Variants in MATK observed in about 807,000 individuals in gnomAD.
MATK encodes megakaryocyte-associated tyrosine-protein kinase.
In MATK, 41 loss-of-function variants were observed where a neutral mutation model predicts 59.8. The observed-to-expected ratio is 0.69, with a 90% CI of 0.53 to 0.89. The LOEUF is 0.89. Ranked by LOEUF, MATK falls within the 40% of genes least tolerant of loss-of-function variation. The pLI, the probability that MATK is intolerant of heterozygous loss-of-function variation, is 0.00. For synonymous variants in MATK, 308 were observed against 306.1 expected, an observed-to-expected ratio of 1.01 and a Z score of -0.06; for missense variants, 593 against 719.6, an observed-to-expected ratio of 0.82 and a Z score of 2.01.
At chr19:3,788,687 C>A (rs1398599972), upstream of MATK, among the ~76,000 whole-genome samples, 1 of 150,312 alleles carries the variant, frequency 6.7e-6, no homozygotes, top group African/African-American at 2.4e-5. Flanking sequence ...TCTCAAATTT[C>A]TGCACTCAAA....
chr19:3,794,712 T>C (rs2037576219), intron 1 of MATK, among the ~76,000 whole-genome samples: 2 of 152,080 alleles, frequency 1.3e-5, no homozygotes, highest in Non-Finnish European at 2.9e-5. Flanking sequence ...TATTCCGGAA[T>C]AAACCAGTCA....
chr19:3,786,336 C>G lies in MATK; in HGVS notation c.-319G>C. 1.0e-6 allele frequency: 1 copy of G among 984,210 alleles called. No individual in the cohort carries two copies. Among genetic ancestry groups the G allele is most frequent in the Non-Finnish European group, 1.2e-6 (1 of 829,522 alleles). 61.0% of individuals were successfully genotyped at this position (984,210 alleles called of 1,614,324 possible). A position where few individuals can be genotyped will look rare whatever the true frequency, so the allele number is the denominator to read the frequency against. On this transcript the variant is annotated 5_prime_UTR_variant, in exon 1 of 14. Coordinates refer to ENST00000310132, the MANE Select transcript of MATK (RefSeq NM_139355.3). This position sits in a 1 kb window ranked among gnomAD's most constrained non-coding sequence, Gnocchi z 4.1. ...TCGGGGAGTGGGGGAAAGCGGGAGG[C>G]GCCGCGGCCTGGGAGGCCCCCGCGG...
upstream of MATK, among the ~76,000 whole-genome samples, chr19:3,789,884 C>G (rs1307789060): frequency 6.6e-6 from 1 of 151,692 alleles, no homozygotes; most frequent in East Asian, 1.9e-4. Context: ...GCCACCACGC[C>G]CTGCTAACTT....
At chr19:3,782,540 G>T (rs1360938737) in intron 7 of MATK, among the ~76,000 whole-genome samples, 1 of 152,228 alleles carries the variant, frequency 6.6e-6, no homozygotes, top group African/African-American at 2.4e-5. Context: ...GAGGCATGAA[G>T]AAAACGATGA....
At chr19:3,801,449 T>G (rs2037642322) in intron 1 of MATK, 1 of 152,520 alleles carries the variant, frequency 6.6e-6, no homozygotes, top group Admixed American at 6.5e-5. Flanking sequence ...CAGCCTGCCC[T>G]TCCGTTTTTG....
chr19:3,791,976 C>T (rs1210580602), intron 1 of MATK, among the ~76,000 whole-genome samples: 10 of 151,968 alleles, frequency 6.6e-5, no homozygotes, highest in Non-Finnish European at 4.4e-5. Context: ...GGCGTGGCGG[C>T]GGGTGCCTAT....
intron 8 of MATK, among the ~76,000 whole-genome samples, chr19:3,780,714 G>A (rs1012043335): frequency 1.3e-5 from 2 of 151,744 alleles, no homozygotes; most frequent in African/African-American, 4.8e-5. Flanking sequence ...TTACAGGCAT[G>A]AGCCACTGTG....
chr19:3,793,733 G>A (rs1040565659), intron 1 of MATK, among the ~76,000 whole-genome samples: 2 of 152,024 alleles, frequency 1.3e-5, no homozygotes, highest in Non-Finnish European at 2.9e-5. Flanking sequence ...GCTGGGCGTG[G>A]TGGCATGTGC....
At chr19:3,779,494 C>T (rs771752610) in intron 10 of MATK, 39 bp downstream of exon 10, 17 of 1,611,070 alleles carry the variant, frequency 1.1e-5, no homozygotes, top group African/African-American at 6.7e-5. Context: ...GGGGCTGCTC[C>T]GCTGCGTGGG....
At position 3,778,366 on chromosome 19, in the gene MATK, C is replaced by T. The variant is rs2145743900; in HGVS notation, c.1341G>A (p.Glu447=). Residue 447 remains glutamate (E), a synonymous_variant, in exon 14 of 14, where the codon GAG becomes GAA. Coordinates refer to ENST00000310132, the MANE Select transcript of MATK (RefSeq NM_139355.3). The part of the protein sequence containing the change: ...VEKGYRMEPP[E]GCPGPVHVLM... The stretch of plus-strand genomic sequence containing the variant: ...GGACGTGCACGGGGCCTGGACAGCC[C>T]TCGGGGGGTTCCATGCGGTACCCCT... 4.4e-6 allele frequency: 7 copies of T among 1,606,626 alleles called. No individual in the cohort carries two copies. Among genetic ancestry groups the T allele is most frequent in the Admixed American group, 1.7e-5 (1 of 58,252 alleles).
chr19:3,792,781 G>C (rs1032351349), intron 1 of MATK, among the ~76,000 whole-genome samples: 2 of 152,124 alleles, frequency 1.3e-5, no homozygotes, highest in Non-Finnish European at 2.9e-5. Flanking sequence ...GCCTCCCAAA[G>C]TGCTGGGATT....
intron 1 of MATK, among the ~76,000 whole-genome samples, chr19:3,797,631 C>T (rs1417663327): frequency 6.6e-6 from 1 of 151,974 alleles, no homozygotes; most frequent in Non-Finnish European, 1.5e-5. Flanking sequence ...GTTCTTTTAC[C>T]GTTCCTCTTT....
chr19:3,785,855 T>C (rs950543827), intron 1 of MATK: 1 of 152,518 alleles, frequency 6.6e-6, no homozygotes, highest in African/African-American at 2.4e-5. Flanking sequence ...CGCAGGGCGC[T>C]ACGCAGGGCC....
chr19:3,793,804 G>T (rs1812035842), intron 1 of MATK, among the ~76,000 whole-genome samples: 1 of 152,208 alleles, frequency 6.6e-6, no homozygotes, highest in Non-Finnish European at 1.5e-5. Context: ...GGGAGGTGGA[G>T]GTTGCAATGA....
At chr19:3,785,537 G>C (rs1488837387) in intron 1 of MATK, 1 of 309,866 alleles carries the variant, frequency 3.2e-6, no homozygotes, top group South Asian at 3.1e-5. Flanking sequence ...CTGGGAAGTG[G>C]GCGGTGCTGG....
chr19:3,780,749 A>G (rs116010885), intron 8 of MATK, among the ~76,000 whole-genome samples: 3,456 of 148,324 alleles, frequency 0.023, 157 homozygotes, highest in African/African-American at 0.082. Context: ...TTATTTTTAA[A>G]ATATTGATAC....
upstream of MATK, chr19:3,786,432 T>A: frequency 1.1e-6 from 1 of 924,090 alleles, no homozygotes; most frequent in South Asian, 4.9e-5. This position sits in a 1 kb window ranked among gnomAD's most constrained non-coding sequence, Gnocchi z 4.1. Flanking sequence ...CCGCCCCGCC[T>A]CCGCGGCCCC....
At chr19:3,794,216 A>G (rs1416024457) in intron 1 of MATK, among the ~76,000 whole-genome samples, 1 of 152,098 alleles carries the variant, frequency 6.6e-6, no homozygotes, top group Non-Finnish European at 1.5e-5. Flanking sequence ...CTCACTCGTC[A>G]TTGTCAATCT....
In MATK at chr19:3,786,381, T is replaced by G. The variant is rs928628764; in HGVS notation, c.-364A>C. 4.1e-6 allele frequency: 4 copies of G among 981,488 alleles called. No individual in the cohort carries two copies. The African/African-American group carries it at 5.3e-5, about 13-fold the overall frequency. The allele number at this position is 981,488 out of a possible 1,614,324, so 60.8% of individuals were successfully genotyped here. Reference sequence around the variant, plus strand: ...CCGCGGGTCCTAGCGCCGGCCGCACTGCGGTCTCCTCCGCGCGCCGCCGCC... The same window carrying G: ...CCGCGGGTCCTAGCGCCGGCCGCACGGCGGTCTCCTCCGCGCGCCGCCGCC... On this transcript the variant is annotated 5_prime_UTR_variant, in exon 1 of 14. Coordinates refer to ENST00000310132, the MANE Select transcript of MATK (RefSeq NM_139355.3). This position sits in a 1 kb window ranked among gnomAD's most constrained non-coding sequence, Gnocchi z 4.1.
Sources: allele counts gnomAD v4.1 joint callset (sites outside exome capture counted in the v4.1 genomes callset), GRCh38; gene constraint gnomAD v4.1.1; non-coding constraint Gnocchi (gnomAD v3.1); transcripts MANE v1.5; gene names NCBI Gene and HGNC (gene_info 2026-07-23, HGNC 2026-07-21).